The following BCO1 variants were observed in gnomAD, a reference collection of about 807,000 sequenced individuals.
BCO1 encodes beta-carotene oxygenase 1.
Under a neutral mutation model 56.3 loss-of-function variants are expected in BCO1, and 54 were observed. The ratio of observed to expected loss-of-function variants is 0.96; its 90% CI spans 0.77 to 1.20. The LOEUF is 1.20. Among genes scored for constraint, BCO1 ranks in the 50% most tolerant of loss-of-function variants. The pLI, the probability that BCO1 is intolerant of heterozygous loss-of-function variation, is 0.00. For missense variants in BCO1, 801 were observed against 690.9 expected (o/e 1.16, Z -1.79); for synonymous variants, 318 against 266.1 (o/e 1.20, Z -1.90).
chr16:81,247,654 G>A (rs1231638673), intron 2 of BCO1, among the ~76,000 whole-genome samples: 1 of 151,946 alleles, frequency 6.6e-6, no homozygotes, highest in Non-Finnish European at 1.5e-5. Context: ...AGCCTCCCGA[G>A]TAGCTGGGAT....
chr16:81,272,353 C>T (rs1017725517), intron 7 of BCO1, among the ~76,000 whole-genome samples: 1 of 151,024 alleles, frequency 6.6e-6, no homozygotes, highest in Non-Finnish European at 1.5e-5. Context: ...CTCCTGACCT[C>T]ATGATCCGCC....
rs144559173 is a variant in BCO1 at position 81,248,264 on chromosome 16, G to A, written c.193+2661G>A. ...TAAAAATACAAAAAATTAGCTGAGC[G>A]TTGTGGTGAGCACCTGTAATCCCAG... On this transcript the variant is annotated intron_variant, in intron 2 of 10. Coordinates refer to ENST00000258168, the MANE Select transcript of BCO1 (RefSeq NM_017429.3). Among the ~76,000 whole-genome samples, 38 of 151,932 alleles carry A rather than the reference G, an allele frequency of 2.5e-4. No homozygotes were observed. The East Asian group carries it at 6.2e-3, about 25-fold the overall frequency.
At chr16:81,287,507 G>A in intron 10 of BCO1, 101 bp downstream of exon 10, 1 of 896,910 alleles carries the variant, frequency 1.1e-6, no homozygotes, top group Admixed American at 1.9e-5. Context: ...AGGTCATAAA[G>A]GGGGTGGATT....
At chr16:81,250,834 G>A (rs915012757) in intron 2 of BCO1, among the ~76,000 whole-genome samples, 16 of 152,230 alleles carry the variant, frequency 1.1e-4, no homozygotes, top group African/African-American at 3.1e-4. Flanking sequence ...ACTTGCCTGG[G>A]CCTTCCAAAG....
chr16:81,260,509 C>T (rs983224935), intron 3 of BCO1, among the ~76,000 whole-genome samples: 8 of 151,754 alleles, frequency 5.3e-5, no homozygotes, highest in Admixed American at 6.6e-5. Context: ...TCATTTTATT[C>T]ATTTATTTAT....
chr16:81,287,279 C>T lies in BCO1; in HGVS notation c.1303-16C>T. On this transcript the variant is annotated splice_polypyrimidine_tract_variant and intron_variant, in intron 9 of 10. Coordinates refer to ENST00000258168, the MANE Select transcript of BCO1 (RefSeq NM_017429.3). ...CAAACAAGTCATTTATGTGTTTTTCCTCGTTGGATGTACAGATAATAAAAT... is the reference window on the plus strand; with the variant it reads ...CAAACAAGTCATTTATGTGTTTTTCTTCGTTGGATGTACAGATAATAAAAT... 1 of 1,567,906 alleles carries T rather than the reference C, an allele frequency of 6.4e-7. No individual in the cohort carries two copies. The highest frequency in any genetic ancestry group is 8.8e-7 in the Non-Finnish European group (1 of 1,138,018).
chr16:81,285,756 T>C (rs979840122), intron 9 of BCO1, 122 bp downstream of exon 9: 2 of 783,776 alleles, frequency 2.6e-6, no homozygotes, highest in Admixed American at 2.0e-5. Context: ...AAGCCTAGGA[T>C]AAAATAAATT....
At chr16:81,260,193 G>A (rs1423121500) in intron 3 of BCO1, among the ~76,000 whole-genome samples, 1 of 151,982 alleles carries the variant, frequency 6.6e-6, no homozygotes, top group African/African-American at 2.4e-5. Flanking sequence ...CATTAAAAGA[G>A]GACTGGTTAA....
chr16:81,239,635 G>T (rs1905025288), intron 1 of BCO1, among the ~76,000 whole-genome samples: 1 of 152,082 alleles, frequency 6.6e-6, no homozygotes, highest in Non-Finnish European at 1.5e-5. Flanking sequence ...GCTTAGAGGG[G>T]CGTGCATGAG....
chr16:81,253,326 A>G (rs1373338989), intron 2 of BCO1, among the ~76,000 whole-genome samples: 1 of 152,166 alleles, frequency 6.6e-6, no homozygotes, highest in Admixed American at 6.5e-5. Context: ...TACTATGTGC[A>G]CAGTGCTTTG....
chr16:81,285,802 A>C (rs1270805536), intron 9 of BCO1, among the ~76,000 whole-genome samples, 168 bp downstream of exon 9: 2 of 152,164 alleles, frequency 1.3e-5, no homozygotes, highest in Non-Finnish European at 2.9e-5. Context: ...AGGGAGTGGT[A>C]CCTAATGGGC....
At chr16:81,281,993 C>G (rs1328831399) in intron 8 of BCO1, among the ~76,000 whole-genome samples, 1 of 152,228 alleles carries the variant, frequency 6.6e-6, no homozygotes, top group Non-Finnish European at 1.5e-5. Context: ...CAAAGGCTGG[C>G]ATAGAGAGGT....
chr16:81,257,423 C>G (rs1906209365), intron 2 of BCO1, among the ~76,000 whole-genome samples: 1 of 151,866 alleles, frequency 6.6e-6, no homozygotes, highest in Admixed American at 6.6e-5. Flanking sequence ...TGCCACCACA[C>G]CCAGCTAATT....
At chr16:81,264,265 G>T (rs1906671689) in intron 4 of BCO1, among the ~76,000 whole-genome samples, 1 of 152,224 alleles carries the variant, frequency 6.6e-6, no homozygotes, top group Admixed American at 6.5e-5. Flanking sequence ...CCAGGTCATT[G>T]CTCAGAGCTT....
At chr16:81,272,730 A>T (rs114569990) in intron 7 of BCO1, among the ~76,000 whole-genome samples, 1,834 of 152,356 alleles carry the variant, frequency 0.012, 42 homozygotes, top group African/African-American at 0.042. Flanking sequence ...CAATTCAATT[A>T]AATGTTGATG....
intron 8 of BCO1, among the ~76,000 whole-genome samples, chr16:81,282,309 C>T (rs1487897213): frequency 1.3e-5 from 2 of 152,066 alleles, no homozygotes. Flanking sequence ...TGCTTGAACC[C>T]CGAAGGCAGA....
chr16:81,250,275 T>C (rs1010805932), intron 2 of BCO1, among the ~76,000 whole-genome samples: 1 of 152,150 alleles, frequency 6.6e-6, no homozygotes, highest in East Asian at 1.9e-4. Flanking sequence ...GTCCTAACCA[T>C]TGTGCAATTC....
intron 4 of BCO1, chr16:81,264,232 T>G: frequency 3.5e-6 from 1 of 285,470 alleles, no homozygotes; most frequent in Middle Eastern, 1.3e-3. Flanking sequence ...TGGCCAAGAT[T>G]AGCTCGAAGG....
At chr16:81,271,079 A>C (rs1907182911) in intron 7 of BCO1, among the ~76,000 whole-genome samples, 1 of 150,952 alleles carries the variant, frequency 6.6e-6, no homozygotes, top group African/African-American at 2.4e-5. Flanking sequence ...ATTGAGATGT[A>C]ATTGACACAG....
Sources: gnomAD v4.1 joint callset for allele counts (sites outside exome capture counted in the v4.1 genomes callset) on GRCh38, gnomAD v4.1.1 for gene constraint, MANE v1.5 for transcripts, NCBI Gene and HGNC (gene_info 2026-07-23, HGNC 2026-07-21) for gene names.